Variants in PCDH7 observed in about 807,000 individuals in gnomAD.
PCDH7 encodes the protein protocadherin 7, also known as protocadherin-7.
In PCDH7, 17 loss-of-function variants were observed where a neutral mutation model predicts 58.9. That is an observed-to-expected ratio of 0.29 (90% CI 0.20 to 0.43). PCDH7 has a LOEUF of 0.43. PCDH7 is among the 20% of genes least tolerant of loss of function. PCDH7 has a pLI of 1.00. For missense variants in PCDH7, 1,274 were observed against 1,441.0 expected (o/e 0.88, Z 1.88); for synonymous variants, 664 against 616.4 (o/e 1.08, Z -1.14).
chr4:31,130,649 C>G (rs991243027), intron 3 of PCDH7, among the ~76,000 whole-genome samples: 17 of 152,186 alleles, frequency 1.1e-4, no homozygotes, highest in African/African-American at 4.1e-4. Context: ...AAATCAAAAT[C>G]TCAGCAAAGC....
intron 3 of PCDH7, among the ~76,000 whole-genome samples, chr4:31,134,088 A>G (rs1719298513): frequency 6.6e-6 from 1 of 152,184 alleles, no homozygotes; most frequent in East Asian, 1.9e-4. Flanking sequence ...ATGTGCTTAT[A>G]TCTCTGAAAA....
At chr4:30,815,556 G>C (rs1727565953) in intron 1 of PCDH7, among the ~76,000 whole-genome samples, 1 of 152,166 alleles carries the variant, frequency 6.6e-6, no homozygotes, top group East Asian at 1.9e-4. Flanking sequence ...CCACATGCCT[G>C]TGGCCTGCCA....
At chr4:31,089,278 A>G (rs1712908459) in intron 3 of PCDH7, among the ~76,000 whole-genome samples, 1 of 152,116 alleles carries the variant, frequency 6.6e-6, no homozygotes, top group South Asian at 2.1e-4. Flanking sequence ...AATGAACATA[A>G]TATAATATAT....
chr4:30,981,143 A>G (rs1750526178), intron 3 of PCDH7, among the ~76,000 whole-genome samples: 1 of 152,258 alleles, frequency 6.6e-6, no homozygotes, highest in Non-Finnish European at 1.5e-5. Context: ...CGCCTGGCCT[A>G]TTTATTTATT....
At chr4:30,835,225 C>A (rs990985436) in intron 1 of PCDH7, among the ~76,000 whole-genome samples, 1 of 152,046 alleles carries the variant, frequency 6.6e-6, no homozygotes, top group Non-Finnish European at 1.5e-5. Flanking sequence ...TCCCAACCCC[C>A]GGGCCACGAA....
chr4:30,816,798 A>G lies in PCDH7; in HGVS notation c.70+92202A>G, dbSNP rs918138358. 2.0e-5 allele frequency among the ~76,000 whole-genome samples: 3 copies of G among 152,270 alleles called. No homozygotes were observed. The South Asian group carries it at 6.2e-4, about 32-fold the overall frequency. On this transcript the variant is annotated intron_variant, in intron 1 of 3. Coordinates refer to the PCDH7 transcript ENST00000509759. ...GGAAAATAATAATAGTAATAATAAT[A>G]AGCTGATCCATGGGATATTTATCAG...
intron 3 of PCDH7, among the ~76,000 whole-genome samples, chr4:31,044,254 T>G (rs1443947852): frequency 6.6e-6 from 1 of 152,040 alleles, no homozygotes; most frequent in Non-Finnish European, 1.5e-5. Flanking sequence ...ATTAACAAAG[T>G]GGACTCTGGG....
intron 1 of PCDH7, among the ~76,000 whole-genome samples, chr4:30,907,329 A>G (rs945905514): frequency 2.0e-5 from 3 of 152,164 alleles, no homozygotes; most frequent in African/African-American, 7.2e-5. Flanking sequence ...AACCTACAGA[A>G]TGCGAGAAAA....
intron 3 of PCDH7, among the ~76,000 whole-genome samples, chr4:30,973,366 A>G (rs1008945313): frequency 2.0e-5 from 3 of 152,196 alleles, no homozygotes; most frequent in South Asian, 2.1e-4. Context: ...ATGAGTTTAC[A>G]TAGATGTTTT....
chr4:30,969,642 G>C (rs949113004), intron 3 of PCDH7, among the ~76,000 whole-genome samples: 2 of 152,144 alleles, frequency 1.3e-5, no homozygotes, highest in African/African-American at 4.8e-5. Flanking sequence ...GGAAAAGAAA[G>C]AGAGAGTAAG....
intron 3 of PCDH7, among the ~76,000 whole-genome samples, chr4:31,030,613 A>G (rs1312245316): frequency 2.0e-5 from 3 of 152,202 alleles, no homozygotes; most frequent in African/African-American, 4.8e-5. Flanking sequence ...AAAGACTGAA[A>G]GTTTTAGTGA....
intron 3 of PCDH7, among the ~76,000 whole-genome samples, chr4:31,096,279 T>C (rs907649895): frequency 6.6e-6 from 1 of 152,192 alleles, no homozygotes; most frequent in Non-Finnish European, 1.5e-5. Flanking sequence ...AACCTATTTA[T>C]GTTTACCTTT....
intron 3 of PCDH7, among the ~76,000 whole-genome samples, chr4:31,080,209 T>C (rs1759384498): frequency 6.6e-6 from 1 of 152,144 alleles, no homozygotes; most frequent in African/African-American, 2.4e-5. Flanking sequence ...AATGTTTGAG[T>C]TGTAAAATGT....
At chr4:31,034,019 G>A (rs28571043) in intron 3 of PCDH7, among the ~76,000 whole-genome samples, 17,828 of 152,086 alleles carry the variant, frequency 0.12, 1,228 homozygotes, top group South Asian at 0.18. Context: ...GCTTGAGTCC[G>A]GGAGGCAGAG....
intron 1 of PCDH7, among the ~76,000 whole-genome samples, chr4:30,824,539 G>A (rs1003222835): frequency 4.0e-4 from 61 of 152,196 alleles, no homozygotes; most frequent in African/African-American, 1.4e-3. Flanking sequence ...TATATCCCAA[G>A]AATTACTGAA....
chr4:31,097,797 T>C (rs1394674709), intron 3 of PCDH7, among the ~76,000 whole-genome samples: 1 of 151,564 alleles, frequency 6.6e-6, no homozygotes, highest in East Asian at 1.9e-4. Flanking sequence ...TGTGTGCTTT[T>C]CTTTTTTCAG....
chr4:31,130,315 C>A (rs559752581), intron 3 of PCDH7, among the ~76,000 whole-genome samples: 5 of 152,052 alleles, frequency 3.3e-5, no homozygotes, highest in African/African-American at 1.2e-4. Flanking sequence ...ACAAATAATA[C>A]GGACAGTTGG....
intron 1 of PCDH7, among the ~76,000 whole-genome samples, chr4:30,728,308 G>T (rs954201648): frequency 1.3e-5 from 2 of 151,058 alleles, no homozygotes; most frequent in East Asian, 3.9e-4. Flanking sequence ...GAGAGAGAGA[G>T]AGAGAGAGAG....
rs1263352718 is a variant in PCDH7 at position 30,724,181 on chromosome 4, A to C, written c.2759A>C (p.Glu920Ala). ...TATGAAGCCGGCAAAAAAGATCACGAAGACTTTTTTACACCCCAACAGCAT... is the reference window on the plus strand; with the variant it reads ...TATGAAGCCGGCAAAAAAGATCACGCAGACTTTTTTACACCCCAACAGCAT... Residue 920 changes from glutamate to alanine, a missense_variant, in exon 1 of 2, where the codon GAA (glutamate) becomes GCA (alanine). By Grantham distance (107) the Glu-to-Ala change is moderately radical. Transcript: ENST00000361762. The C allele has an allele frequency of 3.1e-6, 5 of 1,613,972 alleles. No homozygotes were observed. In the Admixed American group the frequency reaches 8.3e-5, roughly 27 times the overall value.
Sources: allele counts gnomAD v4.1 joint callset (sites outside exome capture counted in the v4.1 genomes callset), GRCh38; gene constraint gnomAD v4.1.1; transcripts MANE v1.5; gene names NCBI Gene and HGNC (gene_info 2026-07-23, HGNC 2026-07-21).